The following NUDT4 variants were observed in gnomAD, a reference collection of about 807,000 sequenced individuals.
NUDT4 encodes the protein nudix hydrolase 4, also known as diphosphoinositol polyphosphate phosphohydrolase 2.
Under a neutral mutation model 23.1 loss-of-function variants are expected in NUDT4, and 5 were observed. The ratio of observed to expected loss-of-function variants is 0.22; its 90% CI spans 0.11 to 0.46. The LOEUF is 0.46. Ranked by LOEUF, NUDT4 falls within the 20% of genes least tolerant of loss-of-function variation. NUDT4 has a pLI of 0.99. For missense variants in NUDT4, 96 were observed against 211.6 expected, an observed-to-expected ratio of 0.45 and a Z score of 3.39; for synonymous variants, 50 against 79.0, an observed-to-expected ratio of 0.63 and a Z score of 1.95.
At position 93,395,476 on chromosome 12, in the gene NUDT4, CT is replaced by C. The variant is rs757387534; in HGVS notation, c.211-6del. 1.2e-5 allele frequency: 19 copies of C among 1,587,820 alleles called. No individual in the cohort carries two copies. Among genetic ancestry groups the C allele is most frequent in the Middle Eastern group, 3.4e-4 (2 of 5,906 alleles). On this transcript the variant is annotated splice_polypyrimidine_tract_variant and intron_variant, in intron 2 of 4. Coordinates refer to ENST00000415493, the MANE Select transcript of NUDT4 (RefSeq NM_019094.6). ...AAAAGGTAAACATTTTATATTTCAT[CT>C]TTTTTTAATAGGCTGGAGTCAAAGG...
At position 93,406,634 on chromosome 12, in the gene NUDT4, C is replaced by CATGT. The variant is rs1222392738; in HGVS notation, c.*7258_*7261dup. On this transcript the variant is annotated 3_prime_UTR_variant, in exon 5 of 5. Transcript: ENST00000415493. Reference sequence around the variant, plus strand: ...CAAAAAACATTGTGTCTGTAGTCAACATGTATATTTTTGTCATTATTCCTT... The same window carrying CATGT: ...CAAAAAACATTGTGTCTGTAGTCAACATGTATGTATATTTTTGTCATTATTCCTT... 1 of 152,190 alleles carries CATGT rather than the reference C, an allele frequency of 6.6e-6. No homozygotes were observed. Among genetic ancestry groups the CATGT allele is most frequent in the African/African-American group, 2.4e-5 (1 of 41,442 alleles). The allele number at this position is 152,190 out of a possible 1,614,324, so 9.4% of individuals were successfully genotyped here.
In NUDT4 at chr12:93,399,287, A is replaced by G. The variant is rs1185905032; in HGVS notation, c.451A>G (p.Asn151Asp). The G allele has an allele frequency of 1.7e-6, 2 of 1,182,730 alleles. No homozygotes were observed. The highest frequency in any genetic ancestry group is 2.5e-6 in the Non-Finnish European group (2 of 790,874). 73.3% of individuals were successfully genotyped at this position (1,182,730 alleles called of 1,614,324 possible). ...GCTAAAGCTGGGTTGTTCCCCAGCC[A>G]ATGGAAATTCTACAGTCCCTTCCCT... ...EKLKLGCSPA[N>D]GNSTVPSLPD... The change falls in exon 5 of 5, where the codon AAT becomes GAT. Residue 151 changes from asparagine to aspartate, a missense_variant. Coordinates refer to ENST00000415493, the MANE Select transcript of NUDT4 (RefSeq NM_019094.6).
intron 3 of NUDT4, among the ~76,000 whole-genome samples, chr12:93,397,686 C>T (rs1369601276): frequency 6.6e-6 from 1 of 152,050 alleles, no homozygotes; most frequent in African/African-American, 2.4e-5. Flanking sequence ...CCACGCCCGG[C>T]TAATATTTTC....
intron 1 of NUDT4, 82 bp downstream of exon 1, chr12:93,378,503 C>G (rs1357640190): frequency 1.5e-6 from 2 of 1,365,320 alleles, no homozygotes; most frequent in East Asian, 5.9e-5. Flanking sequence ...CCCGCCCCTG[C>G]GCAGGCTGCG....
intron 1 of NUDT4, among the ~76,000 whole-genome samples, chr12:93,382,374 G>C (rs1875730092): frequency 6.6e-6 from 1 of 151,902 alleles, no homozygotes; most frequent in Admixed American, 6.6e-5. Context: ...CAGATGGTCT[G>C]CTATAATGCT....
Position 93,398,358 on chromosome 12 carries a change from AAGAAAAGAAC to A in NUDT4, c.256-411_256-402del, listed in dbSNP as rs1363051335. The stretch of plus-strand genomic sequence containing the variant: ...TGTCTCAAAAAAAAAAAAAAAAAAA[AAGAAAAGAAC>A]ATCAGATATATAGAAATAAGTGTTT... On this transcript the variant is annotated intron_variant, in intron 3 of 4. Transcript: ENST00000415493. Among the ~76,000 whole-genome samples the A allele has an allele frequency of 2.4e-3, 338 of 142,288 alleles. 4 individuals carry two copies. Among genetic ancestry groups the A allele is most frequent in the African/African-American group, 9.4e-3 (308 of 32,926 alleles). 93.3% of individuals were successfully genotyped at this position (142,288 alleles called of 152,430 possible). A position where few individuals can be genotyped will look rare whatever the true frequency, so the allele number is the denominator to read the frequency against.
intron 1 of NUDT4, among the ~76,000 whole-genome samples, chr12:93,391,728 C>A (rs549623608): frequency 1.3e-5 from 2 of 152,056 alleles, no homozygotes; most frequent in Admixed American, 6.5e-5. Flanking sequence ...CCAAGTGAGA[C>A]CCTGTCTTAG....
In NUDT4 at chr12:93,387,857, A is replaced by G. The variant is rs79640274; in HGVS notation, c.100-6752A>G. Among the ~76,000 whole-genome samples the G allele has an allele frequency of 4.3e-3, 659 of 152,200 alleles. 5 individuals are homozygous for G. Among genetic ancestry groups the G allele is most frequent in the African/African-American group, 0.015 (637 of 41,518 alleles). On this transcript the variant is annotated intron_variant, in intron 1 of 4. Transcript: ENST00000415493. ...GTCCTTCTCTCTACTAATGCTGTTC[A>G]TATTTTTCCACCCTGGCAGACATAC...
At position 93,405,024 on chromosome 12, in the gene NUDT4, G is replaced by A. The variant is rs926086709; in HGVS notation, c.*5645G>A. ...GACAGACCTATGGTCCACAAAGGCCGAAATATTTACTGTTTTAGGAGAAAA... is the reference window on the plus strand; with the variant it reads ...GACAGACCTATGGTCCACAAAGGCCAAAATATTTACTGTTTTAGGAGAAAA... On this transcript the variant is annotated 3_prime_UTR_variant, in exon 5 of 5. Coordinates refer to ENST00000415493, the MANE Select transcript of NUDT4 (RefSeq NM_019094.6). The A allele has an allele frequency of 1.3e-5, 2 of 151,834 alleles. No homozygotes were observed. Among genetic ancestry groups the A allele is most frequent in the African/African-American group, 4.8e-5 (2 of 41,298 alleles). 9.4% of individuals were successfully genotyped at this position (151,834 alleles called of 1,614,324 possible).
intron 1 of NUDT4, among the ~76,000 whole-genome samples, chr12:93,387,185 G>A (rs1329515960): frequency 1.3e-5 from 2 of 152,076 alleles, no homozygotes; most frequent in Admixed American, 1.3e-4. Flanking sequence ...TCCTGCCTCG[G>A]CCTCCCAAAG....
At chr12:93,378,732 G>T (rs1875401217) in intron 1 of NUDT4, 1 of 1,072,542 alleles carries the variant, frequency 9.3e-7, no homozygotes, top group Non-Finnish European at 1.1e-6. Flanking sequence ...CTTAACGTGC[G>T]AATTGAGTTG....
intron 1 of NUDT4, among the ~76,000 whole-genome samples, chr12:93,387,481 T>C (rs1876190755): frequency 6.6e-6 from 1 of 152,180 alleles, no homozygotes; most frequent in South Asian, 2.1e-4. Flanking sequence ...CTTTTTAACT[T>C]GGTGAAATGT....
chr12:93,378,511 G>T, intron 1 of NUDT4, 90 bp downstream of exon 1: 7 of 1,356,406 alleles, frequency 5.2e-6, no homozygotes, highest in Non-Finnish European at 5.8e-6. Flanking sequence ...TGCGCAGGCT[G>T]CGGGGCTGGG....
chr12:93,387,087 A>G (rs754633837), intron 1 of NUDT4, among the ~76,000 whole-genome samples: 1 of 151,998 alleles, frequency 6.6e-6, no homozygotes, highest in East Asian at 1.9e-4. Flanking sequence ...GTGCACCACC[A>G]TGCCCAGCTA....
intron 1 of NUDT4, among the ~76,000 whole-genome samples, chr12:93,388,347 T>G (rs1876247067): frequency 6.6e-6 from 1 of 152,256 alleles, no homozygotes; most frequent in South Asian, 2.1e-4. Flanking sequence ...TTGAGCATTC[T>G]ATGTGACTGT....
chr12:93,391,874 C>T (rs939437276), intron 1 of NUDT4, among the ~76,000 whole-genome samples: 12 of 151,914 alleles, frequency 7.9e-5, no homozygotes, highest in Admixed American at 3.3e-4. Flanking sequence ...TTCAAATTGA[C>T]TTATTTATTT....
chr12:93,390,491 C>T (rs1876415187), intron 1 of NUDT4, among the ~76,000 whole-genome samples: 1 of 152,182 alleles, frequency 6.6e-6, no homozygotes, highest in Non-Finnish European at 1.5e-5. Flanking sequence ...TTTGTAGTTT[C>T]TCTGTTGAAA....
At chr12:93,397,928 T>C (rs2120970074) in intron 3 of NUDT4, among the ~76,000 whole-genome samples, 1 of 152,254 alleles carries the variant, frequency 6.6e-6, no homozygotes, top group Non-Finnish European at 1.5e-5. Flanking sequence ...CAGTTTTCCA[T>C]GTCATTGAAA....
rs1877665625 is a variant in NUDT4, at chr12:93,404,171, TAAG to T, written c.*4795_*4797del. ...TTTGGCCATCATTATTTATCAACCT[TAAG>T]AAACATGCCTATTGACGAAGTAAAT... On this transcript the variant is annotated 3_prime_UTR_variant, in exon 5 of 5. Transcript: ENST00000415493. The T allele has an allele frequency of 6.6e-6, 1 of 152,134 alleles. No individual in the cohort carries two copies. The highest frequency in any genetic ancestry group is 6.6e-5 in the Admixed American group (1 of 15,260). 9.4% of individuals were successfully genotyped at this position (152,134 alleles called of 1,614,324 possible). A position where few individuals can be genotyped will look rare whatever the true frequency, so the allele number is the denominator to read the frequency against.
Sources: gnomAD v4.1 joint callset for allele counts (sites outside exome capture counted in the v4.1 genomes callset) on GRCh38, gnomAD v4.1.1 for gene constraint, MANE v1.5 for transcripts, NCBI Gene and HGNC (gene_info 2026-07-23, HGNC 2026-07-21) for gene names.